The following ZNF385D variants were observed in gnomAD, a reference collection of about 807,000 sequenced individuals.
ZNF385D encodes zinc finger protein 385D.
Under a neutral mutation model 35.8 loss-of-function variants are expected in ZNF385D, and 15 were observed. The observed-to-expected ratio is 0.42, with a 90% confidence interval of 0.28 to 0.64. The LOEUF (loss-of-function observed/expected upper bound fraction) is 0.64. Among genes scored for constraint, ZNF385D ranks in the 30% least tolerant of loss-of-function variants. The probability of loss-of-function intolerance (pLI) is 0.23; values close to 1 mark genes in which losing one functional copy is unlikely to be tolerated. For synonymous variants in ZNF385D, 212 were observed against 186.8 expected (o/e 1.13, Z -1.10); for missense variants, 474 against 494.6 (o/e 0.96, Z 0.39).
chr3:22,282,456 T>C (rs554001771), intron 2 of ZNF385D, among the ~76,000 whole-genome samples: 1 of 152,190 alleles, frequency 6.6e-6, no homozygotes, highest in Admixed American at 6.5e-5. Flanking sequence ...GTTCAAAGAA[T>C]TTTTAAATTT....
At chr3:22,298,611 A>G (rs760520534) in intron 2 of ZNF385D, among the ~76,000 whole-genome samples, 4 of 149,090 alleles carry the variant, frequency 2.7e-5, no homozygotes, top group Admixed American at 6.7e-5. Context: ...CCCTCTCAAC[A>G]TGTTACATCT....
chr3:21,853,840 A>C (rs576348829), intron 3 of ZNF385D, among the ~76,000 whole-genome samples: 49 of 151,986 alleles, frequency 3.2e-4, no homozygotes, highest in Non-Finnish European at 6.0e-4. Flanking sequence ...CTGAAAACAA[A>C]AGGAAGATTA....
chr3:21,487,854 C>T (rs1705148596), intron 4 of ZNF385D, among the ~76,000 whole-genome samples: 1 of 152,078 alleles, frequency 6.6e-6, no homozygotes, highest in African/African-American at 2.4e-5. Flanking sequence ...TGAACTTTTG[C>T]TAGAATTTAA....
chr3:21,537,736 A>C (rs1267369179), intron 3 of ZNF385D, among the ~76,000 whole-genome samples: 1 of 152,006 alleles, frequency 6.6e-6, no homozygotes, highest in African/African-American at 2.4e-5. Context: ...GAGAGGATGA[A>C]GCACAAAAGT....
intron 3 of ZNF385D, among the ~76,000 whole-genome samples, chr3:21,966,927 T>C (rs1702947859): frequency 6.6e-6 from 1 of 152,196 alleles, no homozygotes; most frequent in South Asian, 2.1e-4. Flanking sequence ...TCTAATTTTT[T>C]AGAATGAGTG....
chr3:21,681,598 A>G (rs2066909684), intron 1 of ZNF385D, among the ~76,000 whole-genome samples: 1 of 151,756 alleles, frequency 6.6e-6, no homozygotes, highest in Non-Finnish European at 1.5e-5. Flanking sequence ...TAGAAGGGAA[A>G]CCAAAGGAAA....
At chr3:22,181,653 G>C (rs1301653488) in intron 2 of ZNF385D, among the ~76,000 whole-genome samples, 2 of 150,686 alleles carry the variant, frequency 1.3e-5, no homozygotes, top group Non-Finnish European at 3.0e-5. Context: ...AGCGGAGATG[G>C]GGCCACTGCA....
At chr3:21,956,541 T>G (rs1702299804) in intron 3 of ZNF385D, among the ~76,000 whole-genome samples, 1 of 151,972 alleles carries the variant, frequency 6.6e-6, no homozygotes. Flanking sequence ...TGCATTATAC[T>G]TAGCTTTTCA....
At chr3:22,233,536 C>T (rs967769183) in intron 2 of ZNF385D, among the ~76,000 whole-genome samples, 3 of 152,100 alleles carry the variant, frequency 2.0e-5, no homozygotes, top group Non-Finnish European at 4.4e-5. Context: ...GAAGTGTACA[C>T]TTAAAATATG....
At chr3:22,063,614 A>G (rs1372656650) in intron 3 of ZNF385D, among the ~76,000 whole-genome samples, 1 of 152,214 alleles carries the variant, frequency 6.6e-6, no homozygotes, top group African/African-American at 2.4e-5. Flanking sequence ...ATATTTGTAG[A>G]GGATGCTGTG....
At chr3:22,028,661 A>G (rs1319319263) in intron 3 of ZNF385D, among the ~76,000 whole-genome samples, 2 of 152,202 alleles carry the variant, frequency 1.3e-5, no homozygotes, top group African/African-American at 4.8e-5. Context: ...CTGTGGACTT[A>G]TGGGATGCCT....
chr3:22,013,364 G>T (rs1405543537), intron 3 of ZNF385D, among the ~76,000 whole-genome samples: 1 of 152,080 alleles, frequency 6.6e-6, no homozygotes, highest in Non-Finnish European at 1.5e-5. Flanking sequence ...CCCTAAACAT[G>T]ATGATGATCA....
intron 2 of ZNF385D, among the ~76,000 whole-genome samples, chr3:21,586,591 C>T (rs1191691980): frequency 6.6e-6 from 1 of 152,030 alleles, no homozygotes; most frequent in East Asian, 1.9e-4. Context: ...GGAGGTTGGG[C>T]AGTTTGATAA....
Position 22,142,983 on chromosome 3 carries a change from T to C in ZNF385D, c.325+25834A>G, listed in dbSNP as rs1397562466. Among the ~76,000 whole-genome samples the C allele has an allele frequency of 2.0e-5, 3 of 152,094 alleles. No individual in the cohort carries two copies. The East Asian group carries it at 5.8e-4, about 29-fold the overall frequency. The stretch of plus-strand genomic sequence containing the variant: ...CTGCCCGTAAGTTTGAATGAGTCAT[T>C]TGTTTCCTCTGGGGTCATGAATGAC... On this transcript the variant is annotated intron_variant, in intron 3 of 5. Coordinates refer to the ZNF385D transcript ENST00000494108.
intron 3 of ZNF385D, among the ~76,000 whole-genome samples, chr3:22,166,018 G>T (rs79920769): frequency 2.2e-5 from 3 of 139,154 alleles, no homozygotes; most frequent in Non-Finnish European, 5.0e-5. Flanking sequence ...TTTGGCTCCA[G>T]GATCTCCCCT....
At chr3:22,175,097 G>A (rs1694729799) in intron 2 of ZNF385D, among the ~76,000 whole-genome samples, 2 of 151,162 alleles carry the variant, frequency 1.3e-5, no homozygotes, top group Non-Finnish European at 3.0e-5. Context: ...TTCACAGAAG[G>A]GGAGTTGTAA....
chr3:22,202,547 G>T (rs548699704), intron 2 of ZNF385D, among the ~76,000 whole-genome samples: 1 of 152,006 alleles, frequency 6.6e-6, no homozygotes, highest in Non-Finnish European at 1.5e-5. Context: ...ATACCAAATG[G>T]AACAACTTTC....
intron 1 of ZNF385D, among the ~76,000 whole-genome samples, chr3:21,721,101 C>G (rs1043606112): frequency 3.3e-5 from 5 of 151,416 alleles, no homozygotes; most frequent in Non-Finnish European, 7.4e-5. Flanking sequence ...AAAGTTTATT[C>G]GAAAACATAC....
chr3:21,829,851 A>G (rs1383630667), intron 3 of ZNF385D, among the ~76,000 whole-genome samples: 4 of 152,132 alleles, frequency 2.6e-5, no homozygotes, highest in East Asian at 3.9e-4. Context: ...TTGGCCTGAC[A>G]TGGGGCTTAC....
Sources: gnomAD v4.1 joint callset for allele counts (sites outside exome capture counted in the v4.1 genomes callset) on GRCh38, gnomAD v4.1.1 for gene constraint, MANE v1.5 for transcripts, NCBI Gene and HGNC (gene_info 2026-07-23, HGNC 2026-07-21) for gene names.